Variants in CSMD1 observed in about 807,000 individuals in gnomAD.
CSMD1 encodes CUB and sushi domain-containing protein 1.
Under a neutral mutation model 417.5 loss-of-function variants are expected in CSMD1, and 213 were observed. The observed-to-expected ratio is 0.51, with a 90% CI of 0.46 to 0.57. The LOEUF (loss-of-function observed/expected upper bound fraction) is 0.57. Among genes scored for constraint, CSMD1 ranks in the 20% least tolerant of loss-of-function variants. The pLI, the probability that CSMD1 is intolerant of heterozygous loss-of-function variation, is 0.00. For missense variants in CSMD1, 6,923 were observed against 4,529.7 expected, an observed-to-expected ratio of 1.53 and a Z score of -15.17; for synonymous variants, 2,862 against 1,736.8, an observed-to-expected ratio of 1.65 and a Z score of -16.11.
intron 3 of CSMD1, among the ~76,000 whole-genome samples, chr8:4,175,068 C>G (rs1797968937): frequency 6.6e-6 from 1 of 151,824 alleles, no homozygotes; most frequent in South Asian, 2.1e-4. Context: ...GCATCTTTCA[C>G]TGACTTTTAC....
chr8:3,015,207 C>T (rs11785232), intron 52 of CSMD1, among the ~76,000 whole-genome samples: 2,344 of 152,134 alleles, frequency 0.015, 21 homozygotes, highest in East Asian at 0.038. Context: ...GGTTCCTCAC[C>T]CTTCACATCA....
chr8:4,219,958 CT>C (rs907541208), intron 3 of CSMD1, among the ~76,000 whole-genome samples: 5 of 151,206 alleles, frequency 3.3e-5, no homozygotes, highest in Non-Finnish European at 5.9e-5. Flanking sequence ...TTTTTTAATG[CT>C]TTTTTTTTGA....
chr8:4,971,733 A>G (rs1018899552), intron 1 of CSMD1, among the ~76,000 whole-genome samples: 2 of 151,718 alleles, frequency 1.3e-5, no homozygotes, highest in African/African-American at 2.4e-5. Context: ...TACATTCTTC[A>G]TATAAATATT....
intron 3 of CSMD1, among the ~76,000 whole-genome samples, chr8:4,369,798 C>T (rs1209832604): frequency 6.6e-6 from 1 of 152,132 alleles, no homozygotes; most frequent in Non-Finnish European, 1.5e-5. Context: ...GATCTTTATC[C>T]ATCCCTTTAC....
chr8:4,113,552 G>T (rs10101949), intron 3 of CSMD1, among the ~76,000 whole-genome samples: 30,854 of 151,828 alleles, frequency 0.2, 3,246 homozygotes, highest in East Asian at 0.36. Context: ...TTACAGGCAC[G>T]TGCCAGCACA....
At chr8:4,147,848 C>T (rs1414931561) in intron 3 of CSMD1, among the ~76,000 whole-genome samples, 1 of 152,056 alleles carries the variant, frequency 6.6e-6, no homozygotes, top group Non-Finnish European at 1.5e-5. Context: ...CTTCTCTGGT[C>T]TGGAAATGGT....
intron 3 of CSMD1, among the ~76,000 whole-genome samples, chr8:4,041,021 T>TTC (rs1554524365): frequency 2.2e-5 from 3 of 136,478 alleles, no homozygotes; most frequent in African/African-American, 8.3e-5. Context: ...TTTTTCCTTT[T>TTC]TTTTTTTTTT....
chr8:3,262,227 ATATAC>A, intron 26 of CSMD1, among the ~76,000 whole-genome samples: 1 of 127,422 alleles, frequency 7.8e-6, no homozygotes, highest in South Asian at 2.4e-4. Flanking sequence ...ATATATATAT[ATATAC>A]ACACACATAG....
intron 6 of CSMD1, among the ~76,000 whole-genome samples, chr8:3,717,625 C>G (rs1801916142): frequency 2.0e-5 from 3 of 152,064 alleles, no homozygotes; most frequent in African/African-American, 7.2e-5. Context: ...CACAGACAAC[C>G]ACTGTTAGAA....
intron 3 of CSMD1, among the ~76,000 whole-genome samples, chr8:4,353,573 C>G (rs547798429): frequency 6.6e-6 from 1 of 151,606 alleles, no homozygotes; most frequent in South Asian, 2.1e-4. Flanking sequence ...CGAATAAAGC[C>G]CAAAGTAGCA....
chr8:3,931,855 G>A (rs1226425732), intron 5 of CSMD1, among the ~76,000 whole-genome samples: 1 of 147,284 alleles, frequency 6.8e-6, no homozygotes, highest in East Asian at 2.0e-4. Context: ...AGGCAGAGTT[G>A]CAAAGGGAGA....
At chr8:4,663,694 C>G (rs1452473547) in intron 1 of CSMD1, among the ~76,000 whole-genome samples, 1 of 152,226 alleles carries the variant, frequency 6.6e-6, no homozygotes, top group Non-Finnish European at 1.5e-5. Context: ...GTCCAGCCTA[C>G]AGAACCGCAG....
At chr8:4,410,724 G>C (rs1001865397) in intron 3 of CSMD1, among the ~76,000 whole-genome samples, 1 of 152,094 alleles carries the variant, frequency 6.6e-6, no homozygotes, top group Non-Finnish European at 1.5e-5. Flanking sequence ...AGTATGTACA[G>C]AAGATAAAAT....
At chr8:3,868,374 C>G (rs1221337825) in intron 5 of CSMD1, among the ~76,000 whole-genome samples, 1 of 152,158 alleles carries the variant, frequency 6.6e-6, no homozygotes, top group Non-Finnish European at 1.5e-5. Context: ...GTAGTGCCAT[C>G]TGCAGGCCAC....
At chr8:4,468,706 T>C (rs1800339788) in intron 2 of CSMD1, among the ~76,000 whole-genome samples, 1 of 152,196 alleles carries the variant, frequency 6.6e-6, no homozygotes, top group African/African-American at 2.4e-5. Context: ...GTGTTTAGCA[T>C]AATTCAAAAA....
At chr8:4,257,378 T>C (rs1803536379) in intron 3 of CSMD1, among the ~76,000 whole-genome samples, 1 of 152,160 alleles carries the variant, frequency 6.6e-6, no homozygotes, top group African/African-American at 2.4e-5. Flanking sequence ...GAAAATTATA[T>C]ATTACCATTT....
intron 5 of CSMD1, among the ~76,000 whole-genome samples, chr8:3,781,346 C>A (rs753029204): frequency 6.6e-6 from 1 of 152,040 alleles, no homozygotes; most frequent in Non-Finnish European, 1.5e-5. Context: ...TCATTGAACA[C>A]GGAGTCTAGG....
At chr8:4,855,478 G>C (rs1489017546) in intron 1 of CSMD1, among the ~76,000 whole-genome samples, 7 of 152,132 alleles carry the variant, frequency 4.6e-5, no homozygotes, top group African/African-American at 9.7e-5. Context: ...GCTACGGGAG[G>C]ACATTCAAAC....
In CSMD1 at chr8:3,252,121, C is replaced by T. The variant is rs191140354; in HGVS notation, c.4154-21890G>A. ...ATGTTGAATAGTAGTGGTGAGAGAG[C>T]GCATCCCTGTCTTGTGACAGTTTGC... is the stretch of plus-strand genomic sequence containing the variant. On this transcript the variant is annotated intron_variant, in intron 26 of 69. Transcript: ENST00000635120. Among the ~76,000 whole-genome samples, 19 of 152,232 alleles carry T rather than the reference C, an allele frequency of 1.2e-4. 1 individual carries two copies. In the South Asian group the frequency reaches 2.9e-3, roughly 23 times the overall value.
Sources: allele counts gnomAD v4.1 joint callset (sites outside exome capture counted in the v4.1 genomes callset), GRCh38; gene constraint gnomAD v4.1.1; transcripts MANE v1.5; gene names NCBI Gene and HGNC (gene_info 2026-07-23, HGNC 2026-07-21).